Variants in IGFN1 observed in about 807,000 individuals in gnomAD.
IGFN1 encodes immunoglobulin-like and fibronectin type III domain-containing protein 1.
A neutral mutation model predicts 289.5 loss-of-function variants in IGFN1; 253 were observed. The ratio of observed to expected loss-of-function variants is 0.87; its 90% confidence interval spans 0.79 to 0.97. The LOEUF is 0.97. Ranked by LOEUF, IGFN1 falls within the 50% of genes least tolerant of loss-of-function variation. The pLI is 0.00. For synonymous variants in IGFN1, 1,706 were observed against 1,788.5 expected (o/e 0.95, Z 1.16); for missense variants, 4,470 against 4,686.1 (o/e 0.95, Z 1.35).
In IGFN1 at chr1:201,210,427, A is replaced by C; in HGVS notation, c.5534A>C (p.Glu1845Ala). Residue 1845 changes from glutamate to alanine, a missense_variant, in exon 12 of 24, where the codon GAA becomes GCA. Glu to Ala is a moderately radical substitution (Grantham distance 107). This residue lies in a region of IGFN1 where 33 missense variants were observed against 259.7 expected (regional missense o/e 0.13). Coordinates refer to ENST00000335211, the MANE Select transcript of IGFN1 (RefSeq NM_001164586.2). Reference protein sequence around the residue: ...GFRDGLGGSGEMGSVNEAGYR... With the variant: ...GFRDGLGGSGAMGSVNEAGYR... ...AGGGATGGTTTAGGGGGTTCTGGAG[A>C]AATGGGGTCAGTGAATGAAGCAGGT... 1 of 1,341,268 alleles carries C rather than the reference A, an allele frequency of 7.5e-7. No homozygotes were observed. The highest frequency in any genetic ancestry group is 2.1e-5 in the African/African-American group (1 of 48,048). The allele number at this position is 1,341,268 out of a possible 1,614,324, so 83.1% of individuals were successfully genotyped here.
At position 201,209,894 on chromosome 1, in the gene IGFN1, G is replaced by C. The variant is rs564340880; in HGVS notation, c.5001G>C (p.Gly1667=). 3.3e-5 allele frequency: 48 copies of C among 1,475,944 alleles called. No homozygotes were observed. In the Middle Eastern group the frequency reaches 5.2e-4, roughly 16 times the overall value. The allele number at this position is 1,475,944 out of a possible 1,614,324, so 91.4% of individuals were successfully genotyped here. ...RDGLGSSGEM[G]SMDEAGYRKN... ...GTTTAGGGAGTTCTGGGGAAATGGG[G>C]TCAATGGATGAGGCAGGTTATAGGA... Residue 1667 remains glycine, a synonymous_variant, in exon 12 of 24, where the codon GGG becomes GGC. Transcript: ENST00000335211.
chr1:201,215,908 G>C, intron 15 of IGFN1, 70 bp downstream of exon 15: 1 of 1,424,188 alleles, frequency 7.0e-7, no homozygotes, highest in Non-Finnish European at 9.8e-7. Context: ...CTGCCATCAA[G>C]GGCAGGCCTG....
At chr1:201,198,727 C>T (rs2102321722) in intron 5 of IGFN1, among the ~76,000 whole-genome samples, 1 of 152,306 alleles carries the variant, frequency 6.6e-6, no homozygotes, top group African/African-American at 2.4e-5. Context: ...ACGACCAGTC[C>T]ATCCACCCTT....
rs1167858773 is a variant in IGFN1, at chr1:201,215,780, C to A, written c.9237C>A (p.Ser3079Arg). ...SAGRKDCGQY[S>R]VTLRSEGGSV... ...GCAGGAAGGACTGTGGCCAGTACAG[C>A]GTGACACTGAGGAGTGAGGGAGGCT... Residue 3079 changes from serine (S) to arginine (R), a missense_variant, in exon 15 of 24, where the codon AGC becomes AGA. By Grantham distance (110) the Ser-to-Arg change is moderately radical (BLOSUM62 -1). Coordinates refer to ENST00000335211, the MANE Select transcript of IGFN1 (RefSeq NM_001164586.2). 1.2e-6 allele frequency: 2 copies of A among 1,601,046 alleles called. No individual in the cohort carries two copies. The highest frequency in any genetic ancestry group is 1.3e-5 in the African/African-American group (1 of 74,890).
chr1:201,216,638 C>T lies in IGFN1; in HGVS notation c.9480C>T (p.Thr3160=). Residue 3160 remains threonine, a synonymous_variant, in exon 16 of 24, where the codon ACC becomes ACT. Coordinates refer to ENST00000335211, the MANE Select transcript of IGFN1 (RefSeq NM_001164586.2). ...GCGAGGCCCCCGCTGACAGCACCAC[C>T]TTCACGGATGCCCATGTGGAGCCAG... ...KVGEAPADST[T]FTDAHVEPGR... The T allele has an allele frequency of 1.2e-6, 2 of 1,614,020 alleles. No individual in the cohort carries two copies. The highest frequency in any genetic ancestry group is 1.7e-4 in the Middle Eastern group (1 of 6,060).
At chr1:201,216,778 G>A in intron 16 of IGFN1, 25 bp downstream of exon 16, 4 of 1,563,910 alleles carry the variant, frequency 2.6e-6, no homozygotes, top group Non-Finnish European at 1.7e-6. Context: ...TGGGGCTGGG[G>A]GTGGGGGACA....
At position 201,208,633 on chromosome 1, in the gene IGFN1, G is replaced by A. The variant is rs186611216; in HGVS notation, c.3740G>A (p.Gly1247Glu). The stretch of plus-strand genomic sequence containing the variant: ...CTTGGGCCTAGGAGTACAGGGCCAG[G>A]GGGTGAGGCAGGCTTTAGAGATGGT... The part of the protein sequence containing the change: ...RGLGPRSTGP[G>E]GEAGFRDGSG... Residue 1247 changes from glycine (G) to glutamate (E), a missense_variant, in exon 12 of 24, where the codon GGG (glycine) becomes GAG (glutamate). Physicochemically the swap from Gly to Glu is moderately conservative, Grantham distance 98 (BLOSUM62 -2). Transcript: ENST00000335211. 6.5e-7 allele frequency: 1 copy of A among 1,531,590 alleles called. No individual in the cohort carries two copies. The highest frequency in any genetic ancestry group is 8.7e-7 in the Non-Finnish European group (1 of 1,144,474). The allele number at this position is 1,531,590 out of a possible 1,614,324, so 94.9% of individuals were successfully genotyped here. A position where few individuals can be genotyped will look rare whatever the true frequency, so the allele number is the denominator to read the frequency against.
rs1558140223 is a variant in IGFN1 at position 201,206,213 on chromosome 1, CA to C, written c.1321del (p.Arg441GlyfsTer17). On this transcript the variant is annotated frameshift_variant, in exon 12 of 24. Transcript: ENST00000335211. LOFTEE classifies it high-confidence loss of function. Reference sequence around the variant, plus strand: ...GAGAGAAATCCAGAGAGCAGGGCCCCAGGGGGGGCTCCCTTGAAGGGGCTGG... The same window carrying C: ...GAGAGAAATCCAGAGAGCAGGGCCCCGGGGGGGCTCCCTTGAAGGGGCTGG... ...QGEKSREQGP[R>X]GGSLEGAGPA... The C allele has an allele frequency of 1.9e-5, 29 of 1,548,676 alleles. No homozygotes were observed. Among genetic ancestry groups the C allele is most frequent in the Non-Finnish European group, 2.3e-5 (26 of 1,146,308 alleles).
chr1:201,225,720 A>C (rs1478516908), intron 21 of IGFN1, 104 bp from the exon 22 acceptor site: 1 of 991,262 alleles, frequency 1.0e-6, no homozygotes, highest in African/African-American at 1.7e-5. Flanking sequence ...GTGTGGCAAG[A>C]CTGCGTTCCC....
rs892963449 is a variant in IGFN1, at chr1:201,195,849, T to C, written c.138T>C (p.Ala46=). The C allele has an allele frequency of 9.7e-6, 15 of 1,551,270 alleles. No individual in the cohort carries two copies. The highest frequency in any genetic ancestry group is 1.2e-5 in the Non-Finnish European group (14 of 1,146,790). Residue 46 remains alanine, a synonymous_variant, in exon 4 of 24, where the codon GCT becomes GCC. Transcript: ENST00000335211. The part of the protein sequence containing the change: ...VTSALPEGKN[A]VFRAVVCGEP... ...CTCTTCCTGCTGCAGGGAAAAATGC[T>C]GTCTTTCGGGCTGTGGTCTGTGGGG...
rs1460551694 is a variant in IGFN1 at position 201,212,048 on chromosome 1, C to T, written c.7155C>T (p.Ala2385=). ...AGGCTGGACCCAGAGGCCATAAAGC[C>T]ATGGGTCACAGGTCAGGATATTGGG... ...GHEAGPRGHK[A]MGHRSGYWVA... is the part of the protein sequence containing the mutation. The change falls in exon 12 of 24, where the codon GCC becomes GCT. Residue 2385 remains alanine, a synonymous_variant. Coordinates refer to ENST00000335211, the MANE Select transcript of IGFN1 (RefSeq NM_001164586.2). The T allele has an allele frequency of 1.3e-6, 2 of 1,536,340 alleles. No individual in the cohort carries two copies. Among genetic ancestry groups the T allele is most frequent in the South Asian group, 1.2e-5 (1 of 84,060 alleles).
Position 201,222,825 on chromosome 1 carries a change from G to A in IGFN1, c.10288G>A (p.Glu3430Lys). The A allele has an allele frequency of 6.2e-7, 1 of 1,610,920 alleles. No homozygotes were observed. The highest frequency in any genetic ancestry group is 8.5e-7 in the Non-Finnish European group (1 of 1,177,728). Residue 3430 changes from glutamate to lysine, a missense_variant and splice_region_variant, in exon 20 of 24, where the codon GAA (glutamate) becomes AAA (lysine). Physicochemically the swap from Glu to Lys is moderately conservative, Grantham distance 56. Transcript: ENST00000335211. Reference sequence around the variant, plus strand: ...CACAGTTCGTGTGCCCGTCTCCTTTGAAGTGAGTGTACCTGCAGGGGTGTG... The same window carrying A: ...CACAGTTCGTGTGCCCGTCTCCTTTAAAGTGAGTGTACCTGCAGGGGTGTG... ...GDTVRVPVSF[E>K]AMPMPEVTWL...
chr1:201,200,487 G>A, intron 8 of IGFN1, 76 bp downstream of exon 8: 1 of 1,264,906 alleles, frequency 7.9e-7, no homozygotes, highest in Non-Finnish European at 1.1e-6. Flanking sequence ...ACACCTGGAG[G>A]TGGGCTTGGA....
Position 201,208,243 on chromosome 1 carries a change from C to T in IGFN1, c.3350C>T (p.Pro1117Leu), listed in dbSNP as rs1157772689. 19 of 1,536,368 alleles carry T rather than the reference C, an allele frequency of 1.2e-5. No individual in the cohort carries two copies. Among genetic ancestry groups the T allele is most frequent in the Non-Finnish European group, 1.7e-5 (19 of 1,146,772 alleles). Residue 1117 changes from proline to leucine, a missense_variant, in exon 12 of 24, where the codon CCT (proline) becomes CTT (leucine). By Grantham distance (98) the Pro-to-Leu change is moderately conservative (BLOSUM62 -3). Coordinates refer to ENST00000335211, the MANE Select transcript of IGFN1 (RefSeq NM_001164586.2). ...CCAGAGAGCTCTGGAAGAATAAGGCCTTGGGGTCAGACTGGAAATTATGGG... is the reference window on the plus strand; with the variant it reads ...CCAGAGAGCTCTGGAAGAATAAGGCTTTGGGGTCAGACTGGAAATTATGGG... ...AEPESSGRIR[P>L]WGQTGNYGGF...
In IGFN1 at chr1:201,207,604, C is replaced by T. The variant is rs1304287336; in HGVS notation, c.2711C>T (p.Thr904Ile). The T allele has an allele frequency of 6.5e-7, 1 of 1,536,720 alleles. No homozygotes were observed. The part of the protein sequence containing the change: ...PGLGAQGSGG[T>I]LGDKKGLRGP... ...CTGGGTGCTCAGGGATCTGGGGGGA[C>T]ACTAGGAGATAAGAAAGGATTAAGA... is the stretch of plus-strand genomic sequence containing the variant. Residue 904 changes from threonine to isoleucine, a missense_variant, in exon 12 of 24, where the codon ACA becomes ATA. Thr to Ile is a moderately conservative substitution (Grantham distance 89). Coordinates refer to ENST00000335211, the MANE Select transcript of IGFN1 (RefSeq NM_001164586.2).
At position 201,212,931 on chromosome 1, in the gene IGFN1, C is replaced by T. The variant is rs2102349691; in HGVS notation, c.8038C>T (p.Gln2680Ter). The T allele has an allele frequency of 1.3e-6, 2 of 1,551,462 alleles. No individual in the cohort carries two copies. Among genetic ancestry groups the T allele is most frequent in the East Asian group, 2.4e-5 (1 of 40,906 alleles). Residue 2680 changes from glutamine to a stop codon, truncating the protein, a stop_gained, in exon 12 of 24, where the codon CAA becomes TAA. Coordinates refer to ENST00000335211, the MANE Select transcript of IGFN1 (RefSeq NM_001164586.2). LOFTEE classifies it high-confidence loss of function. ...TAAGGGTGGGGAGGGTGCACCAGGCCAAGAGGCGGCTGGTGGATGCCGAAG... is the reference window on the plus strand; with the variant it reads ...TAAGGGTGGGGAGGGTGCACCAGGCTAAGAGGCGGCTGGTGGATGCCGAAG... ...GFKGGEGAPG[Q>*]EAAGGCRSPW...
Position 201,213,038 on chromosome 1 carries a change from G to A in IGFN1, c.8145G>A (p.Lys2715=), listed in dbSNP as rs1355867586. 6 of 1,551,510 alleles carry A rather than the reference G, an allele frequency of 3.9e-6. No homozygotes were observed. The highest frequency in any genetic ancestry group is 2.0e-5 in the Admixed American group (1 of 50,992). ...CAGAGGACTCAGGTATCCTGGGCAAGGGGAATTCTACTGAGTGGGGGAATG... is the reference window on the plus strand; with the variant it reads ...CAGAGGACTCAGGTATCCTGGGCAAAGGGAATTCTACTGAGTGGGGGAATG... ...VDAEDSGILG[K]GNSTEWGNAL... The change falls in exon 12 of 24, where the codon AAG becomes AAA. Residue 2715 remains lysine (K), a synonymous_variant. Transcript: ENST00000335211.
At position 201,218,594 on chromosome 1, in the gene IGFN1, G is replaced by T. The variant is rs1653487491; in HGVS notation, c.9834G>T (p.Val3278=). Residue 3278 remains valine (V), a synonymous_variant, in exon 18 of 24, where the codon GTG becomes GTT. Transcript: ENST00000335211. Reference sequence around the variant, plus strand: ...AGTATGAGTTCCGGGTCACAGCTGTGGCTCCCTCAGGTCCCGGAGAGCCTG... The same window carrying T: ...AGTATGAGTTCCGGGTCACAGCTGTTGCTCCCTCAGGTCCCGGAGAGCCTG... ...GCQYEFRVTA[V]APSGPGEPGP... is the part of the protein sequence containing the mutation. 1 of 1,613,038 alleles carries T rather than the reference G, an allele frequency of 6.2e-7. No individual in the cohort carries two copies.
In IGFN1 at chr1:201,205,842, A is replaced by G. The variant is rs115523350; in HGVS notation, c.1190-241A>G. 9.3e-3 allele frequency among the ~76,000 whole-genome samples: 1,421 copies of G among 152,368 alleles called. 26 individuals are homozygous for G. The highest frequency in any genetic ancestry group is 0.029 in the African/African-American group (1,198 of 41,586). ...TTTCTCCAAAACCCTCATGAAGCCTATAGCAGGGTGGCCTGCGGGTATAGG... is the reference window on the plus strand; with the variant it reads ...TTTCTCCAAAACCCTCATGAAGCCTGTAGCAGGGTGGCCTGCGGGTATAGG... On this transcript the variant is annotated intron_variant, in intron 11 of 23. Coordinates refer to ENST00000335211, the MANE Select transcript of IGFN1 (RefSeq NM_001164586.2).
Sources: allele counts gnomAD v4.1 joint callset (sites outside exome capture counted in the v4.1 genomes callset), GRCh38; gene constraint gnomAD v4.1.1; regional missense constraint gnomAD v4.1.1; transcripts MANE v1.5; gene names NCBI Gene and HGNC (gene_info 2026-07-23, HGNC 2026-07-21).